The following BANK1 variants were observed in gnomAD, a reference collection of about 807,000 sequenced individuals.
BANK1 encodes the protein B-cell scaffold protein with ankyrin repeats.
In BANK1, 95 loss-of-function variants were observed where a neutral mutation model predicts 94.5. The observed-to-expected ratio is 1.00, with a 90% CI of 0.85 to 1.19. The LOEUF (loss-of-function observed/expected upper bound fraction) is 1.19. BANK1 is among the 50% of genes most tolerant of loss of function. The pLI, the probability that BANK1 is intolerant of heterozygous loss-of-function variation, is 0.00. For missense variants in BANK1, 987 were observed against 932.2 expected, an observed-to-expected ratio of 1.06 and a Z score of -0.77; for synonymous variants, 334 against 308.4, an observed-to-expected ratio of 1.08 and a Z score of -0.87.
intron 10 of BANK1, among the ~76,000 whole-genome samples, chr4:102,035,986 G>A (rs1333513999): frequency 6.6e-6 from 1 of 152,242 alleles, no homozygotes; most frequent in East Asian, 1.9e-4. Flanking sequence ...TAGATACATT[G>A]GTAGTGAAAC....
chr4:102,012,375 G>A (rs1426567537), intron 7 of BANK1, among the ~76,000 whole-genome samples: 1 of 111,158 alleles, frequency 9.0e-6, no homozygotes, highest in South Asian at 3.4e-4. Flanking sequence ...GGTCTTTTAT[G>A]TTGTAAACAC....
At chr4:101,968,553 A>G (rs528768299) in intron 7 of BANK1, among the ~76,000 whole-genome samples, 1 of 152,074 alleles carries the variant, frequency 6.6e-6, no homozygotes, top group South Asian at 2.1e-4. Flanking sequence ...GAGGAGAGTA[A>G]CAATGCCCCG....
At chr4:101,848,665 A>T (rs77239478) in intron 2 of BANK1, among the ~76,000 whole-genome samples, 4,934 of 152,296 alleles carry the variant, frequency 0.032, 281 homozygotes, top group African/African-American at 0.11. Flanking sequence ...TTATTTTGTT[A>T]ATTGCTTCAT....
intron 7 of BANK1, among the ~76,000 whole-genome samples, chr4:101,961,279 A>G (rs1224305277): frequency 1.3e-5 from 2 of 152,212 alleles, no homozygotes; most frequent in African/African-American, 2.4e-5. Context: ...GGTGACAGTG[A>G]CATCATTCTT....
At chr4:102,067,709 A>G (rs1448633917) in intron 13 of BANK1, among the ~76,000 whole-genome samples, 1 of 152,038 alleles carries the variant, frequency 6.6e-6, no homozygotes, top group African/African-American at 2.4e-5. Context: ...GCACTCAGAG[A>G]TGTTTTCACT....
intron 7 of BANK1, among the ~76,000 whole-genome samples, chr4:102,011,017 T>G (rs2148941994): frequency 6.6e-6 from 1 of 152,336 alleles, no homozygotes; most frequent in Admixed American, 6.5e-5. Context: ...TCAAACAAAC[T>G]AAATAGCATG....
chr4:102,059,347 A>G (rs1728337541), intron 11 of BANK1, among the ~76,000 whole-genome samples: 1 of 152,228 alleles, frequency 6.6e-6, no homozygotes. Context: ...GAAATAATAC[A>G]AAAAGTATGT....
intron 7 of BANK1, among the ~76,000 whole-genome samples, chr4:102,015,577 TTATCTC>T (rs1726668002): frequency 6.6e-6 from 1 of 152,152 alleles, no homozygotes; most frequent in African/African-American, 2.4e-5. Context: ...ATCAGTGTCT[TTATCTC>T]TAAATAACAA....
At chr4:101,994,792 A>C (rs1387123615) in intron 7 of BANK1, among the ~76,000 whole-genome samples, 1 of 152,154 alleles carries the variant, frequency 6.6e-6, no homozygotes, top group African/African-American at 2.4e-5. Flanking sequence ...AATGAGAGTG[A>C]AACTAGAAAA....
chr4:101,849,660 TTG>T (rs1727399429), intron 2 of BANK1, among the ~76,000 whole-genome samples: 2 of 152,070 alleles, frequency 1.3e-5, no homozygotes, highest in South Asian at 2.1e-4. Flanking sequence ...ACAATAAAAT[TTG>T]TGTGTGTGTA....
intron 5 of BANK1, among the ~76,000 whole-genome samples, chr4:101,890,155 T>C (rs1260765108): frequency 1.3e-5 from 2 of 152,178 alleles, no homozygotes; most frequent in East Asian, 3.9e-4. Context: ...TGGAGTGGTC[T>C]ATGTATGTGG....
intron 7 of BANK1, among the ~76,000 whole-genome samples, chr4:101,965,339 TA>T (rs57496270): frequency 0.46 from 64,507 of 139,194 alleles, 14,015 homozygotes; most frequent in Middle Eastern, 0.55. Context: ...ACCACCTAAA[TA>T]AAAAAAAAAA....
In BANK1 at chr4:101,829,877, T is replaced by C. The variant is rs142893664; in HGVS notation, c.140T>C (p.Val47Ala). ...AEEWALYLTE[V>A]FLHVVKREAI... ...GAATGGGCTCTGTACTTGACAGAAG[T>C]ATTTTTACATGTTGTGAAAAGGGAA... is the stretch of plus-strand genomic sequence containing the variant. Residue 47 changes from valine to alanine, a missense_variant, in exon 2 of 17, where the codon GTA becomes GCA. Coordinates refer to ENST00000322953, the MANE Select transcript of BANK1 (RefSeq NM_017935.5). 26 of 1,611,816 alleles carry C rather than the reference T, an allele frequency of 1.6e-5. No individual in the cohort carries two copies. The highest frequency in any genetic ancestry group is 2.0e-5 in the Non-Finnish European group (24 of 1,178,410).
intron 2 of BANK1, among the ~76,000 whole-genome samples, chr4:101,842,172 C>T (rs1267839920): frequency 6.6e-6 from 1 of 152,150 alleles, no homozygotes; most frequent in African/African-American, 2.4e-5. Context: ...TTGTGCAAGA[C>T]CTATGGTCCA....
chr4:101,816,199 G>T (rs1479893667), intron 1 of BANK1, among the ~76,000 whole-genome samples: 1 of 152,152 alleles, frequency 6.6e-6, no homozygotes, highest in Non-Finnish European at 1.5e-5. Context: ...ATAATTGCTC[G>T]CAAAGGAAAA....
chr4:101,826,706 T>C (rs1726379829), intron 1 of BANK1, among the ~76,000 whole-genome samples: 1 of 152,018 alleles, frequency 6.6e-6, no homozygotes, highest in Non-Finnish European at 1.5e-5. Context: ...ACTATATTGA[T>C]GATTCATATA....
chr4:101,908,761 C>G (rs530837991), intron 6 of BANK1, among the ~76,000 whole-genome samples: 30 of 152,312 alleles, frequency 2.0e-4, no homozygotes, highest in African/African-American at 7.2e-4. Context: ...TGAACAGATA[C>G]TTCTCAAAAG....
At chr4:102,037,679 CT>C (rs1727556256) in intron 10 of BANK1, among the ~76,000 whole-genome samples, 1 of 152,130 alleles carries the variant, frequency 6.6e-6, no homozygotes, top group Non-Finnish European at 1.5e-5. Context: ...AGTTGTGTAA[CT>C]TTGTGAAAAT....
chr4:101,876,648 A>G (rs1728500442), intron 5 of BANK1, among the ~76,000 whole-genome samples: 1 of 152,186 alleles, frequency 6.6e-6, no homozygotes, highest in Non-Finnish European at 1.5e-5. Context: ...ACATAGGCAA[A>G]CATCTATAAA....
Sources: gnomAD v4.1 joint callset for allele counts (sites outside exome capture counted in the v4.1 genomes callset) on GRCh38, gnomAD v4.1.1 for gene constraint, MANE v1.5 for transcripts, NCBI Gene and HGNC (gene_info 2026-07-23, HGNC 2026-07-21) for gene names.